SHISA6: variants seen among roughly 807,000 people sequenced by gnomAD.
SHISA6 encodes the protein shisa family member 6.
A neutral mutation model predicts 47.9 loss-of-function variants in SHISA6; 22 were observed. The observed-to-expected ratio is 0.46, with a 90% CI of 0.33 to 0.66. The LOEUF is 0.66. Ranked by LOEUF, SHISA6 falls within the 30% of genes least tolerant of loss-of-function variation. SHISA6 has a pLI of 0.02. For missense variants in SHISA6, 680 were observed against 764.6 expected, an observed-to-expected ratio of 0.89 and a Z score of 1.30; for synonymous variants, 388 against 337.8, an observed-to-expected ratio of 1.15 and a Z score of -1.63.
At chr17:11,274,274 C>T (rs1030944730) in intron 2 of SHISA6, among the ~76,000 whole-genome samples, 1 of 152,220 alleles carries the variant, frequency 6.6e-6, no homozygotes, top group Non-Finnish European at 1.5e-5. Context: ...CCCCTACACC[C>T]AGGGAGCCAG....
intron 3 of SHISA6, among the ~76,000 whole-genome samples, chr17:11,412,268 G>A (rs1467613060): frequency 1.3e-5 from 2 of 152,096 alleles, no homozygotes; most frequent in Non-Finnish European, 2.9e-5. Flanking sequence ...GCAGTATAGT[G>A]AAAGTGAAGT....
intron 2 of SHISA6, among the ~76,000 whole-genome samples, chr17:11,299,485 TA>T (rs1456442417): frequency 6.6e-6 from 1 of 152,208 alleles, no homozygotes; most frequent in East Asian, 1.9e-4. Flanking sequence ...TCCCTGTGAT[TA>T]AAACAACACA....
chr17:11,451,912 C>G, intron 3 of SHISA6, among the ~76,000 whole-genome samples: 1 of 152,170 alleles, frequency 6.6e-6, no homozygotes, highest in East Asian at 1.9e-4. Context: ...AGGTTGAACT[C>G]AAGATTGCAG....
At chr17:11,489,599 G>C (rs1916426571) in intron 3 of SHISA6, among the ~76,000 whole-genome samples, 1 of 152,140 alleles carries the variant, frequency 6.6e-6, no homozygotes, top group African/African-American at 2.4e-5. Flanking sequence ...AGAGCTGAAG[G>C]GTAGGCAGAG....
chr17:11,533,426 A>G (rs1227424869), intron 3 of SHISA6, among the ~76,000 whole-genome samples: 1 of 151,770 alleles, frequency 6.6e-6, no homozygotes, highest in Non-Finnish European at 1.5e-5. Flanking sequence ...CACTCCTACC[A>G]ACCCTCTATG....
intron 3 of SHISA6, among the ~76,000 whole-genome samples, chr17:11,436,885 G>C (rs1475255417): frequency 6.6e-6 from 1 of 152,118 alleles, no homozygotes; most frequent in Admixed American, 6.5e-5. Flanking sequence ...TCAACCAAAA[G>C]GCAAAACTCA....
intron 1 of SHISA6, among the ~76,000 whole-genome samples, chr17:11,249,000 T>G (rs1597420349): frequency 2.6e-5 from 4 of 151,890 alleles, no homozygotes; most frequent in African/African-American, 9.7e-5. Context: ...TTAGCCGGGC[T>G]TGGTGGCGGC....
chr17:11,305,117 G>A (rs1470256550), intron 2 of SHISA6, among the ~76,000 whole-genome samples: 2 of 152,172 alleles, frequency 1.3e-5, no homozygotes, highest in African/African-American at 4.8e-5. Flanking sequence ...TGCTGGTGGT[G>A]TGCCCTTGGG....
At chr17:11,531,143 GGCCAGT>G (rs1194390766) in intron 3 of SHISA6, among the ~76,000 whole-genome samples, 2 of 151,348 alleles carry the variant, frequency 1.3e-5, no homozygotes, top group African/African-American at 2.4e-5. Context: ...GTGGCTCTGT[GGCCAGT>G]CGGTCTGGGT....
intron 1 of SHISA6, among the ~76,000 whole-genome samples, chr17:11,253,809 C>T (rs1050920987): frequency 1.3e-5 from 2 of 152,274 alleles, no homozygotes. Context: ...TTATAAACTT[C>T]GCCACATCCT....
At chr17:11,261,069 C>T (rs748322963) in intron 1 of SHISA6, among the ~76,000 whole-genome samples, 4 of 151,690 alleles carry the variant, frequency 2.6e-5, no homozygotes, top group Non-Finnish European at 4.4e-5. Context: ...TTATTGAGCA[C>T]CCTGGAGAGA....
chr17:11,260,056 A>G (rs1014079009), intron 1 of SHISA6, among the ~76,000 whole-genome samples: 1 of 152,226 alleles, frequency 6.6e-6, no homozygotes, highest in Non-Finnish European at 1.5e-5. Context: ...ATTAAGTGCT[A>G]TCCAAATGTA....
At chr17:11,537,255 G>A (rs1442141115) in intron 3 of SHISA6, among the ~76,000 whole-genome samples, 1 of 152,084 alleles carries the variant, frequency 6.6e-6, no homozygotes, top group Non-Finnish European at 1.5e-5. Flanking sequence ...CTGGGGTAAA[G>A]GGACAAGACT....
At chr17:11,465,945 A>G (rs1256113388) in intron 3 of SHISA6, among the ~76,000 whole-genome samples, 1 of 152,180 alleles carries the variant, frequency 6.6e-6, no homozygotes, top group African/African-American at 2.4e-5. Flanking sequence ...ACTAGCAGCA[A>G]CGTTCCCTCT....
intron 2 of SHISA6, among the ~76,000 whole-genome samples, chr17:11,345,824 G>C (rs1471362094): frequency 6.6e-6 from 1 of 152,076 alleles, no homozygotes; most frequent in Non-Finnish European, 1.5e-5. Flanking sequence ...CCTGAAACTT[G>C]CTAAAATCAT....
At position 11,243,937 on chromosome 17, in the gene SHISA6, G is replaced by A. The variant is rs114320452; in HGVS notation, c.638+1877G>A. On this transcript the variant is annotated intron_variant, in intron 1 of 5. Coordinates refer to ENST00000441885, the MANE Select transcript of SHISA6 (RefSeq NM_207386.4). ...CCCTTCCACCTCACACAGTTTATTC[G>A]TCATCGCCTGGGATGATACAGAGGG... Among the ~76,000 whole-genome samples, 927 of 152,248 alleles carry A rather than the reference G, an allele frequency of 6.1e-3. 12 individuals carry two copies. The highest frequency in any genetic ancestry group is 0.021 in the African/African-American group (873 of 41,532).
chr17:11,515,712 T>G (rs1220791601), intron 3 of SHISA6, among the ~76,000 whole-genome samples: 2 of 152,026 alleles, frequency 1.3e-5, no homozygotes, highest in African/African-American at 4.8e-5. Context: ...GCCTCCCTCC[T>G]CACAACACTG....
chr17:11,561,935 G>A lies in SHISA6; in HGVS notation c.*3631G>A, dbSNP rs1189562301. On this transcript the variant is annotated 3_prime_UTR_variant, in exon 6 of 6. Transcript: ENST00000441885. The stretch of plus-strand genomic sequence containing the variant: ...CCCCTCTGAGCTCTGGGAGGGAAGG[G>A]AATGGAGCTCTGGGTTTGAGATGTC... The A allele has an allele frequency of 1.3e-5, 2 of 152,184 alleles. No homozygotes were observed. Among genetic ancestry groups the A allele is most frequent in the Non-Finnish European group, 2.9e-5 (2 of 68,112 alleles). 9.4% of individuals were successfully genotyped at this position (152,184 alleles called of 1,614,324 possible).
intron 2 of SHISA6, among the ~76,000 whole-genome samples, chr17:11,311,039 G>A (rs1341452235): frequency 5.4e-5 from 8 of 148,330 alleles, no homozygotes; most frequent in African/African-American, 7.5e-5. Context: ...CCCAGGAGGC[G>A]GAGCTTGCAG....
Sources: gnomAD v4.1 joint callset for allele counts (sites outside exome capture counted in the v4.1 genomes callset) on GRCh38, gnomAD v4.1.1 for gene constraint, MANE v1.5 for transcripts, NCBI Gene and HGNC (gene_info 2026-07-23, HGNC 2026-07-21) for gene names.